The following MTG2 variants were observed in gnomAD, a reference collection of about 807,000 sequenced individuals.
MTG2 encodes mitochondrial ribosome associated GTPase 2, also known as mitochondrial ribosome-associated GTPase 2.
A neutral mutation model predicts 28.6 loss-of-function variants in MTG2; 23 were observed. The observed-to-expected ratio is 0.80, with a 90% CI of 0.58 to 1.14. The LOEUF is 1.14. Ranked by LOEUF, MTG2 falls within the 50% of genes most tolerant of loss-of-function variation. The pLI is 0.00. For synonymous variants in MTG2, 260 were observed against 251.8 expected (o/e 1.03, Z -0.31); for missense variants, 539 against 552.0 (o/e 0.98, Z 0.24).
Position 62,198,982 on chromosome 20 carries a change from G to C in MTG2, c.687+130G>C. On this transcript the variant is annotated intron_variant, in intron 5 of 6. Coordinates refer to ENST00000370823, the MANE Select transcript of MTG2 (RefSeq NM_015666.4). Reference sequence around the variant, plus strand: ...CTCACCTTTTTCCCATCAGTACACTGCTGACTTGGTCGTGAGCATGAGCCC... The same window carrying C: ...CTCACCTTTTTCCCATCAGTACACTCCTGACTTGGTCGTGAGCATGAGCCC... 3.3e-6 allele frequency: 5 copies of C among 1,531,112 alleles called. No homozygotes were observed. In the South Asian group the frequency reaches 4.7e-5, roughly 14 times the overall value. 94.8% of individuals were successfully genotyped at this position (1,531,112 alleles called of 1,614,324 possible). A position where few individuals can be genotyped will look rare whatever the true frequency, so the allele number is the denominator to read the frequency against.
intron 1 of MTG2, among the ~76,000 whole-genome samples, chr20:62,184,927 C>A (rs73613555): frequency 6.7e-6 from 1 of 149,610 alleles, no homozygotes; most frequent in East Asian, 2.0e-4. Flanking sequence ...CTGGCCAACA[C>A]GGTGAAACCC....
intron 1 of MTG2, among the ~76,000 whole-genome samples, chr20:62,186,528 G>GTTTTTTTTTT (rs56818308): frequency 3.9e-5 from 5 of 127,046 alleles, no homozygotes; most frequent in Admixed American, 8.7e-5. Flanking sequence ...TTTTTTTTTT[G>GTTTTTTTTTT]TTTTTTTTTT....
chr20:62,199,048 G>A lies in MTG2; in HGVS notation c.688-71G>A. On this transcript the variant is annotated intron_variant, in intron 5 of 6. Transcript: ENST00000370823. The stretch of plus-strand genomic sequence containing the variant: ...CCCTGAAATCCTCCCTCCAATCCCA[G>A]TTAGTTACAGACTCTGCGCTAACAA... 3.8e-6 allele frequency: 6 copies of A among 1,599,674 alleles called. No homozygotes were observed. In the South Asian group the frequency reaches 6.7e-5, roughly 18 times the overall value.
At chr20:62,191,021 G>A (rs1321584596) in intron 1 of MTG2, among the ~76,000 whole-genome samples, 1 of 152,088 alleles carries the variant, frequency 6.6e-6, no homozygotes, top group African/African-American at 2.4e-5. Context: ...GGTAGGGGTT[G>A]AGCAGCTCCA....
chr20:62,183,369 CG>C (rs1292986191), intron 1 of MTG2, among the ~76,000 whole-genome samples: 1 of 152,196 alleles, frequency 6.6e-6, no homozygotes, highest in Admixed American at 6.5e-5. Flanking sequence ...TGCTCTGTCA[CG>C]GGATGGGTGC....
chr20:62,189,115 C>A (rs999763492), intron 1 of MTG2, among the ~76,000 whole-genome samples: 1 of 151,978 alleles, frequency 6.6e-6, no homozygotes, highest in Non-Finnish European at 1.5e-5. Context: ...TTGAGACCAG[C>A]CTGGGTAACT....
intron 1 of MTG2, among the ~76,000 whole-genome samples, chr20:62,184,650 C>A (rs1433240946): frequency 1.3e-5 from 2 of 152,296 alleles, no homozygotes; most frequent in South Asian, 2.1e-4. Context: ...TGCCTCCAGT[C>A]TCTGGTAGAG....
At chr20:62,190,777 G>A (rs964297988) in intron 1 of MTG2, among the ~76,000 whole-genome samples, 1 of 152,236 alleles carries the variant, frequency 6.6e-6, no homozygotes, top group African/African-American at 2.4e-5. Flanking sequence ...ACGGCTGCGG[G>A]GGCACTGGGG....
chr20:62,196,359 TAA>T (rs58648226), intron 3 of MTG2, among the ~76,000 whole-genome samples: 3 of 143,718 alleles, frequency 2.1e-5, no homozygotes, highest in African/African-American at 2.6e-5. Context: ...ACCCTATCTC[TAA>T]AAAAAAAAAA....
intron 1 of MTG2, among the ~76,000 whole-genome samples, chr20:62,192,607 C>T (rs113298622): frequency 0.021 from 3,212 of 152,260 alleles, 129 homozygotes; most frequent in African/African-American, 0.074. Flanking sequence ...CTCATCGTGG[C>T]TTGGTCTTTA....
In MTG2 at chr20:62,187,933, G is replaced by GAGCT. The variant is rs566278707; in HGVS notation, c.-6+4877_-6+4880dup. ...TTCTTCTTTACCAAGGTAGCCATTA[G>GAGCT]AGCTGTAAGTTTCCTTCTAAACACT... On this transcript the variant is annotated intron_variant, in intron 1 of 6. Coordinates refer to ENST00000370823, the MANE Select transcript of MTG2 (RefSeq NM_015666.4). Among the ~76,000 whole-genome samples the GAGCT allele has an allele frequency of 3.0e-4, 45 of 152,162 alleles. No homozygotes were observed. The South Asian group carries it at 9.1e-3, about 31-fold the overall frequency.
intron 1 of MTG2, among the ~76,000 whole-genome samples, chr20:62,192,508 C>T (rs1263793207): frequency 3.9e-5 from 6 of 152,152 alleles, no homozygotes; most frequent in Admixed American, 2.6e-4. Context: ...ATGGAGGCCT[C>T]ATCATGGAGA....
Position 62,201,975 on chromosome 20 carries a change from A to G in MTG2, c.*898A>G, listed in dbSNP as rs758181666. On this transcript the variant is annotated 3_prime_UTR_variant, in exon 7 of 7. Coordinates refer to ENST00000370823, the MANE Select transcript of MTG2 (RefSeq NM_015666.4). ...GTAATATGGGGCGGAATTTCCACTC[A>G]GCTCCATTTGCTGGGGATTTAAAGA... The G allele has an allele frequency of 6.6e-6, 1 of 152,254 alleles. No individual in the cohort carries two copies. The highest frequency in any genetic ancestry group is 6.5e-5 in the Admixed American group (1 of 15,276). The allele number at this position is 152,254 out of a possible 1,614,324, so 9.4% of individuals were successfully genotyped here. A position where few individuals can be genotyped will look rare whatever the true frequency, so the allele number is the denominator to read the frequency against.
chr20:62,201,769 C>T lies in MTG2; in HGVS notation c.*692C>T, dbSNP rs2058175494. The stretch of plus-strand genomic sequence containing the variant: ...CTGTGCTCAGTGGGAGCCAGGAAGC[C>T]TCAGGCTTCACGACTGAATGCACCC... On this transcript the variant is annotated 3_prime_UTR_variant, in exon 7 of 7. Coordinates refer to ENST00000370823, the MANE Select transcript of MTG2 (RefSeq NM_015666.4). The T allele has an allele frequency of 3.3e-5, 5 of 152,280 alleles. No homozygotes were observed. The highest frequency in any genetic ancestry group is 1.3e-4 in the Admixed American group (2 of 15,286). 9.4% of individuals were successfully genotyped at this position (152,280 alleles called of 1,614,324 possible).
intron 1 of MTG2, among the ~76,000 whole-genome samples, chr20:62,191,744 G>T (rs565272217): frequency 6.6e-6 from 1 of 152,158 alleles, no homozygotes; most frequent in Non-Finnish European, 1.5e-5. Context: ...ACCTTGTAAG[G>T]TCCCTCCTGT....
intron 1 of MTG2, among the ~76,000 whole-genome samples, chr20:62,190,771 C>T (rs777906526): frequency 6.6e-6 from 1 of 152,224 alleles, no homozygotes; most frequent in Non-Finnish European, 1.5e-5. Flanking sequence ...ACAGGCACGG[C>T]TGCGGGGGCA....
At chr20:62,190,748 C>T (rs2057941909) in intron 1 of MTG2, among the ~76,000 whole-genome samples, 3 of 152,226 alleles carry the variant, frequency 2.0e-5, no homozygotes, top group Non-Finnish European at 2.9e-5. Flanking sequence ...AGCGGTGCAG[C>T]GGCGGCGGCC....
chr20:62,185,139 C>T (rs1212398181), intron 1 of MTG2, among the ~76,000 whole-genome samples: 3 of 151,116 alleles, frequency 2.0e-5, no homozygotes, highest in African/African-American at 7.3e-5. Flanking sequence ...ATGGCCAGGG[C>T]GTGGTGGCTG....
chr20:62,197,804 C>T, intron 3 of MTG2, 48 bp from the exon 4 acceptor site: 1 of 1,538,716 alleles, frequency 6.5e-7, no homozygotes, highest in South Asian at 1.1e-5. Context: ...AGCAATAGGC[C>T]ATGGTTGTCG....
Sources: gnomAD v4.1 joint callset for allele counts (sites outside exome capture counted in the v4.1 genomes callset) on GRCh38, gnomAD v4.1.1 for gene constraint, MANE v1.5 for transcripts, NCBI Gene and HGNC (gene_info 2026-07-23, HGNC 2026-07-21) for gene names.